CACNB4: variants seen among roughly 807,000 people sequenced by gnomAD.
CACNB4 encodes the protein calcium voltage-gated channel auxiliary subunit beta 4, also known as voltage-dependent L-type calcium channel subunit beta-4.
CACNB4 carries 32 observed loss-of-function variants against 71.2 expected under a neutral mutation model. The observed-to-expected ratio is 0.45, with a 90% CI of 0.34 to 0.60. CACNB4 has a LOEUF of 0.60. Among genes scored for constraint, CACNB4 ranks in the 20% least tolerant of loss-of-function variants. The pLI, the probability that CACNB4 is intolerant of heterozygous loss-of-function variation, is 0.01. For missense variants in CACNB4, 464 were observed against 647.9 expected, an observed-to-expected ratio of 0.72 and a Z score of 3.08; for synonymous variants, 231 against 236.9, an observed-to-expected ratio of 0.97 and a Z score of 0.23.
At chr2:151,902,866 A>G (rs545757936) in intron 2 of CACNB4, among the ~76,000 whole-genome samples, 1 of 152,160 alleles carries the variant, frequency 6.6e-6, no homozygotes, top group African/African-American at 2.4e-5. Flanking sequence ...AATTTCCTCC[A>G]TTATACAGAT....
intron 2 of CACNB4, among the ~76,000 whole-genome samples, chr2:151,927,789 A>G (rs1236873398): frequency 6.6e-6 from 1 of 152,250 alleles, no homozygotes; most frequent in Non-Finnish European, 1.5e-5. Context: ...ATGCAACAGA[A>G]CAGCAAGACT....
At chr2:151,869,065 A>T (rs1354694866) in intron 9 of CACNB4, 112 bp downstream of exon 9, 1 of 678,906 alleles carries the variant, frequency 1.5e-6, no homozygotes, top group African/African-American at 1.8e-5. Context: ...TACTGAGTTA[A>T]CTTTTAACTA....
chr2:152,044,500 G>A (rs571985424), intron 2 of CACNB4, among the ~76,000 whole-genome samples: 1 of 152,280 alleles, frequency 6.6e-6, no homozygotes, highest in African/African-American at 2.4e-5. Context: ...TTACAGGCGT[G>A]AGCCACCGCA....
At chr2:151,865,064 G>A (rs941408363) in intron 9 of CACNB4, among the ~76,000 whole-genome samples, 1 of 152,200 alleles carries the variant, frequency 6.6e-6, no homozygotes, top group Non-Finnish European at 1.5e-5. Context: ...TTGAGTGGCT[G>A]TTTATGAGTC....
At chr2:151,843,368 G>A (rs2099836722) in intron 12 of CACNB4, among the ~76,000 whole-genome samples, 1 of 152,340 alleles carries the variant, frequency 6.6e-6, no homozygotes, top group Admixed American at 6.5e-5. Context: ...AGGCCAGGGT[G>A]CACTGGAGCA....
intron 2 of CACNB4, among the ~76,000 whole-genome samples, chr2:151,985,178 A>G (rs1681278545): frequency 6.6e-6 from 1 of 152,202 alleles, no homozygotes; most frequent in South Asian, 2.1e-4. Flanking sequence ...TAGTACTAAA[A>G]TATGATTACT....
Position 151,835,382 on chromosome 2 carries a change from G to A in CACNB4, c.*3737C>T, listed in dbSNP as rs2099834683. 6.6e-6 allele frequency: 1 copy of A among 151,880 alleles called. No homozygotes were observed. Among genetic ancestry groups the A allele is most frequent in the African/African-American group, 2.4e-5 (1 of 41,422 alleles). The allele number at this position is 151,880 out of a possible 1,614,324, so 9.4% of individuals were successfully genotyped here. Reference sequence around the variant, plus strand: ...TTTAATAATCTATGTATTTAGCTTTGCAGCAAGGTTAGCCAGAATAGTGAT... The same window carrying A: ...TTTAATAATCTATGTATTTAGCTTTACAGCAAGGTTAGCCAGAATAGTGAT... On this transcript the variant is annotated 3_prime_UTR_variant, in exon 14 of 14. Coordinates refer to ENST00000539935, the MANE Select transcript of CACNB4 (RefSeq NM_000726.5).
rs1293057235 is a variant in CACNB4 at position 151,837,070 on chromosome 2, T to C, written c.*2049A>G. The stretch of plus-strand genomic sequence containing the variant: ...TTGTTTGCTGGAAGATGCTCTTCTG[T>C]GTTCTAACAAAGTATTCAGTAATGG... On this transcript the variant is annotated 3_prime_UTR_variant, in exon 14 of 14. Transcript: ENST00000539935. The C allele has an allele frequency of 6.6e-6, 1 of 152,056 alleles. No homozygotes were observed. The highest frequency in any genetic ancestry group is 1.9e-4 in the East Asian group (1 of 5,204). The allele number at this position is 152,056 out of a possible 1,614,324, so 9.4% of individuals were successfully genotyped here.
In CACNB4 at chr2:152,098,189, C is replaced by A; in HGVS notation, c.147+141G>T. Reference sequence around the variant, plus strand: ...AGGCTAGAGGGAGAGGGACTGAGCCCGAGCACCGGCCGAGGCCGGGAAGAG... The same window carrying A: ...AGGCTAGAGGGAGAGGGACTGAGCCAGAGCACCGGCCGAGGCCGGGAAGAG... On this transcript the variant is annotated intron_variant, in intron 2 of 13. Transcript: ENST00000539935. This position sits in a 1 kb window ranked among gnomAD's most constrained non-coding sequence, Gnocchi z 5.3. The A allele has an allele frequency of 1.6e-6, 1 of 639,218 alleles. No individual in the cohort carries two copies. The highest frequency in any genetic ancestry group is 1.9e-5 in the South Asian group (1 of 53,890). 39.6% of individuals were successfully genotyped at this position (639,218 alleles called of 1,614,324 possible). A position where few individuals can be genotyped will look rare whatever the true frequency, so the allele number is the denominator to read the frequency against.
rs143575100 is a variant in CACNB4 at position 151,935,299 on chromosome 2, G to T, written c.148-51929C>A. Among the ~76,000 whole-genome samples, 90 of 152,312 alleles carry T rather than the reference G, an allele frequency of 5.9e-4. 1 individual carries two copies. Among genetic ancestry groups the T allele is most frequent in the African/African-American group, 2.1e-3 (88 of 41,562 alleles). ...CTGCTACTTATTAACTTTGCCTTTG[G>T]ATATCTGACTAATTTTCTAAGCCTC... is the stretch of plus-strand genomic sequence containing the variant. On this transcript the variant is annotated intron_variant, in intron 2 of 13. Transcript: ENST00000539935.
chr2:151,998,743 T>G lies in CACNB4; in HGVS notation c.147+99587A>C, dbSNP rs555258424. Among the ~76,000 whole-genome samples, 6 of 152,322 alleles carry G rather than the reference T, an allele frequency of 3.9e-5. No individual in the cohort carries two copies. The East Asian group carries it at 1.2e-3, about 29-fold the overall frequency. On this transcript the variant is annotated intron_variant, in intron 2 of 13. Coordinates refer to ENST00000539935, the MANE Select transcript of CACNB4 (RefSeq NM_000726.5). ...CATCTGCATCATTGGAATGCTGTAT[T>G]CAGCACACCCCCCAGAAAATCTATT...
chr2:151,853,226 C>T (rs2099839495), intron 12 of CACNB4: 1 of 460,604 alleles, frequency 2.2e-6, no homozygotes, highest in South Asian at 3.0e-5. Flanking sequence ...AGAACAGACC[C>T]CGGACACTAA....
intron 2 of CACNB4, among the ~76,000 whole-genome samples, chr2:152,014,914 G>T (rs1284066433): frequency 1.3e-5 from 2 of 152,098 alleles, no homozygotes; most frequent in African/African-American, 4.8e-5. Flanking sequence ...TTATCCAAAG[G>T]AATGTTAATC....
chr2:152,066,929 G>A (rs1686363661), intron 2 of CACNB4, among the ~76,000 whole-genome samples: 1 of 145,836 alleles, frequency 6.9e-6, no homozygotes, highest in Non-Finnish European at 1.5e-5. Flanking sequence ...TCACTCATAG[G>A]TGGGAATTGA....
intron 4 of CACNB4, chr2:151,880,523 T>C (rs1201230782): frequency 2.3e-6 from 1 of 427,198 alleles, no homozygotes; most frequent in Non-Finnish European, 4.2e-6. Context: ...CAGAAGGGGA[T>C]TTAAAGGTGC....
intron 2 of CACNB4, among the ~76,000 whole-genome samples, chr2:152,029,507 A>AAGAAAG (rs1553815870): frequency 4.8e-5 from 5 of 104,748 alleles, no homozygotes; most frequent in Non-Finnish European, 9.0e-5. Flanking sequence ...AAAAAAAAAA[A>AAGAAAG]AAAAGAAAAG....
At chr2:152,025,097 T>A (rs1683890513) in intron 2 of CACNB4, among the ~76,000 whole-genome samples, 2 of 152,102 alleles carry the variant, frequency 1.3e-5, no homozygotes, top group Non-Finnish European at 2.9e-5. Flanking sequence ...AAACCAGAAA[T>A]CTGAGGCCCG....
intron 10 of CACNB4, 58 bp from the exon 11 acceptor site, chr2:151,855,433 A>G: frequency 7.9e-7 from 1 of 1,262,086 alleles, no homozygotes; most frequent in Non-Finnish European, 1.1e-6. Flanking sequence ...TTCTTACATT[A>G]GAAAGATATA....
intron 10 of CACNB4, chr2:151,857,199 T>C (rs2099840531): frequency 6.6e-6 from 1 of 152,236 alleles, no homozygotes. Context: ...CTCAAGACTA[T>C]CATGAAAATC....
Sources: allele counts gnomAD v4.1 joint callset (sites outside exome capture counted in the v4.1 genomes callset), GRCh38; gene constraint gnomAD v4.1.1; non-coding constraint Gnocchi (gnomAD v3.1); transcripts MANE v1.5; gene names NCBI Gene and HGNC (gene_info 2026-07-23, HGNC 2026-07-21).